The following UBXN2A variants were observed in gnomAD, a reference collection of about 807,000 sequenced individuals.
UBXN2A encodes the protein UBX domain-containing protein 2A.
In UBXN2A, 28 loss-of-function variants were observed where a neutral mutation model predicts 28.4. The ratio of observed to expected loss-of-function variants is 0.99; its 90% CI spans 0.73 to 1.35. The LOEUF (loss-of-function observed/expected upper bound fraction) is 1.35, where lower values mean the gene tolerates loss of function less well. Ranked by LOEUF, UBXN2A falls within the 40% of genes most tolerant of loss-of-function variation. UBXN2A has a pLI of 0.00. For missense variants in UBXN2A, 253 were observed against 297.9 expected (o/e 0.85, Z 1.11); for synonymous variants, 97 against 103.6 (o/e 0.94, Z 0.39).
At chr2:23,942,177 CA>C (rs1186718050) in intron 1 of UBXN2A, among the ~76,000 whole-genome samples, 3 of 152,080 alleles carry the variant, frequency 2.0e-5, no homozygotes, top group South Asian at 2.1e-4. Flanking sequence ...GAGAAGGTAA[CA>C]GGGGGACTTA....
Position 24,000,131 on chromosome 2 carries a change from T to C in UBXN2A, c.*264T>C. The C allele has an allele frequency of 2.4e-6, 1 of 409,336 alleles. No individual in the cohort carries two copies. The highest frequency in any genetic ancestry group is 4.3e-6 in the Non-Finnish European group (1 of 230,116). The allele number at this position is 409,336 out of a possible 1,614,324, so 25.4% of individuals were successfully genotyped here. On this transcript the variant is annotated 3_prime_UTR_variant, in exon 7 of 7. Coordinates refer to ENST00000309033, the MANE Select transcript of UBXN2A (RefSeq NM_181713.4). ...ATACCAGTTATCAAGATATATTAAA[T>C]AGCTGTATTGTTTAGAATCTTAATA... is the stretch of plus-strand genomic sequence containing the variant.
At chr2:23,956,052 A>T (rs955125463) in intron 1 of UBXN2A, among the ~76,000 whole-genome samples, 1 of 151,808 alleles carries the variant, frequency 6.6e-6, no homozygotes, top group African/African-American at 2.4e-5. Context: ...TTTAGTAGAG[A>T]TGGGTTTTGC....
intron 4 of UBXN2A, among the ~76,000 whole-genome samples, chr2:23,979,688 C>T (rs942597513): frequency 3.9e-5 from 6 of 152,046 alleles, no homozygotes; most frequent in African/African-American, 1.2e-4. Context: ...CCTACCTCCG[C>T]CTCCCAAATA....
chr2:23,964,350 A>G (rs924892067), intron 2 of UBXN2A, among the ~76,000 whole-genome samples: 1 of 151,986 alleles, frequency 6.6e-6, no homozygotes. Context: ...AGCTGGCATT[A>G]CAATCGTGTG....
chr2:23,946,839 A>G (rs183437355), intron 1 of UBXN2A, among the ~76,000 whole-genome samples: 5,810 of 151,592 alleles, frequency 0.038, 107 homozygotes, highest in South Asian at 0.046. Context: ...TAAAAAAGAA[A>G]TCAGACAGTC....
intron 1 of UBXN2A, among the ~76,000 whole-genome samples, chr2:23,928,738 C>T (rs1348125745): frequency 3.3e-5 from 5 of 152,324 alleles, no homozygotes; most frequent in South Asian, 4.1e-4. Context: ...GCCATCTAAG[C>T]TCCCAATCAT....
intron 6 of UBXN2A, among the ~76,000 whole-genome samples, chr2:23,990,085 T>G (rs1485038718): frequency 6.6e-6 from 1 of 152,098 alleles, no homozygotes; most frequent in Non-Finnish European, 1.5e-5. Flanking sequence ...TTCCTCACAC[T>G]GCTTGGGCTT....
intron 1 of UBXN2A, among the ~76,000 whole-genome samples, chr2:23,941,872 A>G (rs1355730362): frequency 6.6e-6 from 1 of 152,206 alleles, no homozygotes; most frequent in East Asian, 1.9e-4. Context: ...CAGCAGTTCT[A>G]GACCAGCCTG....
intron 1 of UBXN2A, among the ~76,000 whole-genome samples, chr2:23,952,966 GT>G (rs10593464): frequency 0.96 from 137,862 of 142,960 alleles, 66,491 homozygotes; most frequent in East Asian, 0.99. Flanking sequence ...GCTCTTAGTT[GT>G]TTTTTTTTTT....
intron 1 of UBXN2A, among the ~76,000 whole-genome samples, chr2:23,929,298 G>A (rs533629188): frequency 6.6e-6 from 1 of 152,066 alleles, no homozygotes; most frequent in East Asian, 1.9e-4. Context: ...CCACTCCTGA[G>A]ACTGAGGCGC....
At chr2:23,994,298 T>C (rs1708453869) in intron 6 of UBXN2A, among the ~76,000 whole-genome samples, 1 of 152,250 alleles carries the variant, frequency 6.6e-6, no homozygotes, top group Non-Finnish European at 1.5e-5. Context: ...TTGCATTATA[T>C]TGCTTAGAAT....
Position 23,934,491 on chromosome 2 carries a change from CTGGA to C in UBXN2A, c.-137-5045_-137-5042del, listed in dbSNP as rs138159185. Among the ~76,000 whole-genome samples, 586 of 152,292 alleles carry C rather than the reference CTGGA, an allele frequency of 3.8e-3. 13 individuals carry two copies. The East Asian group carries it at 0.052, about 14-fold the overall frequency. On this transcript the variant is annotated intron_variant, in intron 1 of 7. Coordinates refer to the UBXN2A transcript ENST00000404924. Reference sequence around the variant, plus strand: ...ATGCTCACTTGGTTTCTGTCCTGAACTGGATGGTTGGCAGGGCTACCAATTGGTA... The same window carrying C: ...ATGCTCACTTGGTTTCTGTCCTGAACTGGTTGGCAGGGCTACCAATTGGTA...
chr2:23,954,341 T>A lies in UBXN2A; in HGVS notation c.-14-3960T>A, dbSNP rs552526311. Reference sequence around the variant, plus strand: ...CAGCATTCATCCATGTTATAGTATGTATCAGAATTTCACTCCTTTTATGGC... The same window carrying A: ...CAGCATTCATCCATGTTATAGTATGAATCAGAATTTCACTCCTTTTATGGC... On this transcript the variant is annotated intron_variant, in intron 1 of 6. Transcript: ENST00000309033. Among the ~76,000 whole-genome samples the A allele has an allele frequency of 2.6e-5, 4 of 152,372 alleles. No individual in the cohort carries two copies. In the South Asian group the frequency reaches 8.3e-4, roughly 32 times the overall value.
intron 4 of UBXN2A, 46 bp downstream of exon 4, chr2:23,977,121 T>A: frequency 6.8e-7 from 1 of 1,476,536 alleles, no homozygotes; most frequent in Middle Eastern, 1.7e-4. Flanking sequence ...CCCAAAACTT[T>A]GGCAGGCTGT....
intron 1 of UBXN2A, among the ~76,000 whole-genome samples, chr2:23,941,956 A>C (rs1404822644): frequency 6.6e-6 from 1 of 152,166 alleles, no homozygotes; most frequent in African/African-American, 2.4e-5. Context: ...GGGCGTCTGT[A>C]ATCCCAGCTA....
In UBXN2A at chr2:23,976,221, G is replaced by A. The variant is rs989783177; in HGVS notation, c.181-748G>A. On this transcript the variant is annotated intron_variant, in intron 3 of 6. Transcript: ENST00000309033. ...GTACAGCATAAGCGGGAGCTACCGCGCCTGGCCCACCAGTTAAAATTTTTC... is the reference window on the plus strand; with the variant it reads ...GTACAGCATAAGCGGGAGCTACCGCACCTGGCCCACCAGTTAAAATTTTTC... Among the ~76,000 whole-genome samples, 6 of 152,236 alleles carry A rather than the reference G, an allele frequency of 3.9e-5. No individual in the cohort carries two copies. In the East Asian group the frequency reaches 7.7e-4, roughly 20 times the overall value.
chr2:24,001,983 A>G lies in UBXN2A; in HGVS notation c.*2116A>G, dbSNP rs537715490. 4.6e-4 allele frequency: 70 copies of G among 151,404 alleles called. No individual in the cohort carries two copies. Among genetic ancestry groups the G allele is most frequent in the African/African-American group, 1.5e-3 (63 of 41,254 alleles). The allele number at this position is 151,404 out of a possible 1,614,324, so 9.4% of individuals were successfully genotyped here. On this transcript the variant is annotated 3_prime_UTR_variant, in exon 7 of 7. Coordinates refer to ENST00000309033, the MANE Select transcript of UBXN2A (RefSeq NM_181713.4). ...TCAAAAAAAAAAAATTATTCATTTAAAAATAACTTCTGGCTGGACATGGTG... is the reference window on the plus strand; with the variant it reads ...TCAAAAAAAAAAAATTATTCATTTAGAAATAACTTCTGGCTGGACATGGTG...
chr2:23,947,276 C>G (rs1281919034), intron 1 of UBXN2A, among the ~76,000 whole-genome samples: 2 of 152,182 alleles, frequency 1.3e-5, no homozygotes, highest in African/African-American at 4.8e-5. Context: ...TTCCATAAAA[C>G]TCAGTCTTCT....
Position 23,932,520 on chromosome 2 carries a change from C to G in UBXN2A, c.-138+4905C>G, listed in dbSNP as rs181781815. On this transcript the variant is annotated intron_variant, in intron 1 of 7. Coordinates refer to the UBXN2A transcript ENST00000404924. The stretch of plus-strand genomic sequence containing the variant: ...TGCAAGGAGAACTGCCCACCTTTCC[C>G]AACACTGACACTAAGAGTGGGGAGC... Among the ~76,000 whole-genome samples the G allele has an allele frequency of 6.0e-5, 9 of 150,400 alleles. No homozygotes were observed. In the East Asian group the frequency reaches 1.8e-3, roughly 30 times the overall value.
Sources: gnomAD v4.1 joint callset for allele counts (sites outside exome capture counted in the v4.1 genomes callset) on GRCh38, gnomAD v4.1.1 for gene constraint, MANE v1.5 for transcripts, NCBI Gene and HGNC (gene_info 2026-07-23, HGNC 2026-07-21) for gene names.